CCBE1: variants seen among roughly 807,000 people sequenced by gnomAD.
The protein encoded by CCBE1 is collagen and calcium-binding EGF domain-containing protein 1.
A neutral mutation model predicts 50.0 loss-of-function variants in CCBE1; 37 were observed. The observed-to-expected ratio is 0.74, with a 90% CI of 0.57 to 0.97. CCBE1 has a LOEUF of 0.97. Among genes scored for constraint, CCBE1 ranks in the 50% least tolerant of loss-of-function variants. The pLI is 0.00. For synonymous variants in CCBE1, 234 were observed against 203.7 expected (o/e 1.15, Z -1.27); for missense variants, 538 against 523.8 (o/e 1.03, Z -0.26).
In CCBE1 at chr18:59,495,575, T is replaced by C. The variant is rs375646150; in HGVS notation, c.213-15337A>G. On this transcript the variant is annotated intron_variant, in intron 2 of 10. Coordinates refer to ENST00000439986, the MANE Select transcript of CCBE1 (RefSeq NM_133459.4). ...GGCCACGTGGACATCTCCCCAGCCA[T>C]GTCCTTGGCCCACGCCATCCCTGGG... Among the ~76,000 whole-genome samples the C allele has an allele frequency of 9.2e-5, 14 of 152,148 alleles. 1 individual carries two copies. In the East Asian group the frequency reaches 1.9e-3, roughly 21 times the overall value.
At chr18:59,456,151 G>A (rs980596161) in intron 5 of CCBE1, among the ~76,000 whole-genome samples, 3 of 152,160 alleles carry the variant, frequency 2.0e-5, no homozygotes, top group African/African-American at 7.2e-5. Flanking sequence ...CCACTCACAG[G>A]CTGGTCTTCT....
At chr18:59,597,292 T>C (rs944809014) in intron 2 of CCBE1, among the ~76,000 whole-genome samples, 6 of 152,260 alleles carry the variant, frequency 3.9e-5, no homozygotes, top group African/African-American at 7.2e-5. Context: ...TTTGAATGCC[T>C]GGGCATGCAA....
chr18:59,497,235 G>C (rs1437793667), intron 2 of CCBE1, among the ~76,000 whole-genome samples: 3 of 151,992 alleles, frequency 2.0e-5, no homozygotes, highest in Non-Finnish European at 4.4e-5. Context: ...TGAAATACTC[G>C]GAAGCCAAAC....
chr18:59,664,297 G>T (rs993795648), intron 2 of CCBE1, among the ~76,000 whole-genome samples: 1 of 152,198 alleles, frequency 6.6e-6, no homozygotes, highest in Non-Finnish European at 1.5e-5. Flanking sequence ...TGTAAGTTTT[G>T]GGGAGACACA....
intron 2 of CCBE1, among the ~76,000 whole-genome samples, chr18:59,597,657 C>A (rs186937371): frequency 6.6e-6 from 1 of 152,154 alleles, no homozygotes; most frequent in African/African-American, 2.4e-5. Context: ...GGTCTGGTAT[C>A]GGTCATGGCT....
At chr18:59,504,276 T>C (rs1047436393) in intron 2 of CCBE1, among the ~76,000 whole-genome samples, 23 of 152,224 alleles carry the variant, frequency 1.5e-4, no homozygotes, top group Non-Finnish European at 1.2e-4. Context: ...ACACTCTAGC[T>C]ATACACATTT....
chr18:59,658,290 C>T (rs1290507814), intron 2 of CCBE1, among the ~76,000 whole-genome samples: 1 of 107,488 alleles, frequency 9.3e-6, no homozygotes, highest in Admixed American at 1.1e-4. Context: ...AGTTTGAGAC[C>T]AGCCTGAGCA....
In CCBE1 at chr18:59,522,472, A is replaced by G. The variant is rs553311783; in HGVS notation, c.213-42234T>C. On this transcript the variant is annotated intron_variant, in intron 2 of 10. Coordinates refer to ENST00000439986, the MANE Select transcript of CCBE1 (RefSeq NM_133459.4). ...CATTTAAGAAAAGTTAATAAAAACA[A>G]GTAAGATAATCATGTACACAATTTT... Among the ~76,000 whole-genome samples, 372 of 152,350 alleles carry G rather than the reference A, an allele frequency of 2.4e-3. 3 individuals are homozygous for G. Among genetic ancestry groups the G allele is most frequent in the African/African-American group, 8.5e-3 (354 of 41,582 alleles).
chr18:59,522,993 C>CAAAAAAAAAAAAGAAAAAAA (rs1914670222), intron 2 of CCBE1, among the ~76,000 whole-genome samples: 1 of 89,222 alleles, frequency 1.1e-5, no homozygotes, highest in Non-Finnish European at 2.2e-5. Context: ...GACTCTGTTT[C>CAAAAAAAAAAAAGAAAAAAA]AAAAAAAAAA....
At chr18:59,492,144 CAAAAAAAAAAAAAA>C (rs869190811) in intron 2 of CCBE1, among the ~76,000 whole-genome samples, 43 of 78,400 alleles carry the variant, frequency 5.5e-4, no homozygotes, top group East Asian at 5.1e-3. Flanking sequence ...GACTTTGTCT[CAAAAAAAAAAAAAA>C]AAAAAAAAAA....
chr18:59,639,826 G>A (rs555313374), intron 2 of CCBE1, among the ~76,000 whole-genome samples: 10 of 152,292 alleles, frequency 6.6e-5, no homozygotes, highest in African/African-American at 2.4e-4. Flanking sequence ...ATGAAAATCA[G>A]TAGCGTTCCT....
intron 2 of CCBE1, among the ~76,000 whole-genome samples, chr18:59,652,482 T>C (rs531458342): frequency 8.5e-5 from 3 of 35,280 alleles, no homozygotes; most frequent in Admixed American, 4.1e-4. Context: ...ACTCCCCCCC[T>C]TTTTTTTTAA....
chr18:59,686,242 C>T (rs1370476332), intron 2 of CCBE1: 4 of 152,172 alleles, frequency 2.6e-5, no homozygotes, highest in African/African-American at 4.8e-5. Flanking sequence ...TTTGTGACTA[C>T]TTTTGAGGAC....
intron 2 of CCBE1, among the ~76,000 whole-genome samples, chr18:59,582,750 C>T (rs1471955442): frequency 6.6e-6 from 1 of 152,024 alleles, no homozygotes; most frequent in Non-Finnish European, 1.5e-5. Context: ...AAAACTAATA[C>T]TCAATTTGCT....
chr18:59,673,854 T>C (rs539712601), intron 2 of CCBE1, among the ~76,000 whole-genome samples: 3 of 152,356 alleles, frequency 2.0e-5, no homozygotes, highest in East Asian at 1.9e-4. Context: ...CAGTATTTTA[T>C]TGAGGATTTT....
intron 2 of CCBE1, among the ~76,000 whole-genome samples, chr18:59,668,382 A>G (rs2144703067): frequency 6.6e-6 from 1 of 151,948 alleles, no homozygotes; most frequent in Non-Finnish European, 1.5e-5. Context: ...ACACCACTGC[A>G]CTCCAGCCTG....
intron 2 of CCBE1, among the ~76,000 whole-genome samples, chr18:59,553,083 G>T (rs1452717499): frequency 6.6e-6 from 1 of 152,120 alleles, no homozygotes; most frequent in African/African-American, 2.4e-5. Context: ...TAGCCACGCT[G>T]GTTATAGCCT....
In CCBE1 at chr18:59,455,219, T is replaced by C. The variant is rs977987348; in HGVS notation, c.554-268A>G. ...TGCCAGGAAGACCCTGATCTTCCTTTCATGTGTGAAAATGCGTACCATGGC... is the reference window on the plus strand; with the variant it reads ...TGCCAGGAAGACCCTGATCTTCCTTCCATGTGTGAAAATGCGTACCATGGC... On this transcript the variant is annotated intron_variant, in intron 5 of 10. Transcript: ENST00000439986. 3.5e-5 allele frequency: 19 copies of C among 545,058 alleles called. No homozygotes were observed. The African/African-American group carries it at 3.6e-4, about 10-fold the overall frequency. 33.8% of individuals were successfully genotyped at this position (545,058 alleles called of 1,614,324 possible). A position where few individuals can be genotyped will look rare whatever the true frequency, so the allele number is the denominator to read the frequency against.
At chr18:59,563,657 T>C (rs543942499) in intron 2 of CCBE1, 1 of 152,304 alleles carries the variant, frequency 6.6e-6, no homozygotes, top group Non-Finnish European at 1.5e-5. Context: ...CTTTGTTGAA[T>C]GCCTACTAGC....
Sources: allele counts gnomAD v4.1 joint callset (sites outside exome capture counted in the v4.1 genomes callset), GRCh38; gene constraint gnomAD v4.1.1; transcripts MANE v1.5; gene names NCBI Gene and HGNC (gene_info 2026-07-23, HGNC 2026-07-21).